Variants in GINS1 observed in about 807,000 individuals in gnomAD.
GINS1 encodes the protein DNA replication complex GINS protein PSF1.
A neutral mutation model predicts 34.9 loss-of-function variants in GINS1; 26 were observed. That is an observed-to-expected ratio of 0.74 (90% CI 0.55 to 1.03). The LOEUF (loss-of-function observed/expected upper bound fraction) is 1.03. Among genes scored for constraint, GINS1 ranks in the 50% least tolerant of loss-of-function variants. The probability of loss-of-function intolerance (pLI) is 0.00; values close to 1 mark genes in which losing one functional copy is unlikely to be tolerated. For missense variants in GINS1, 235 were observed against 237.9 expected (o/e 0.99, Z 0.08); for synonymous variants, 97 against 84.4 (o/e 1.15, Z -0.82).
At chr20:25,422,417 AAG>A (rs1275242703) in intron 4 of GINS1, among the ~76,000 whole-genome samples, 1 of 151,882 alleles carries the variant, frequency 6.6e-6, no homozygotes, top group African/African-American at 2.4e-5. Flanking sequence ...CTACCAAAAA[AAG>A]AAAAAAAAAA....
intron 5 of GINS1, among the ~76,000 whole-genome samples, chr20:25,436,300 A>C (rs186059125): frequency 6.6e-6 from 1 of 152,222 alleles, no homozygotes; most frequent in African/African-American, 2.4e-5. Flanking sequence ...GTTTGATTAT[A>C]ATGTGTCTCA....
intron 1 of GINS1, chr20:25,410,991 AG>A (rs1158687785): frequency 6.6e-6 from 1 of 152,218 alleles, no homozygotes; most frequent in African/African-American, 2.4e-5. Context: ...TAAGAAAGTT[AG>A]GCCAAGCATG....
chr20:25,408,388 A>G (rs995674715), intron 1 of GINS1, among the ~76,000 whole-genome samples: 8 of 152,204 alleles, frequency 5.3e-5, no homozygotes, highest in African/African-American at 1.9e-4. Flanking sequence ...GGCATGTGTA[A>G]GGGTCTCTGC....
intron 6 of GINS1, among the ~76,000 whole-genome samples, chr20:25,442,027 A>G (rs1344279490): frequency 2.0e-5 from 3 of 152,164 alleles, no homozygotes; most frequent in Non-Finnish European, 4.4e-5. Context: ...TAGGGGAATT[A>G]CCATAATCAG....
In GINS1 at chr20:25,445,333, C is replaced by T. The variant is rs191319210; in HGVS notation, c.523-590C>T. On this transcript the variant is annotated intron_variant, in intron 6 of 6. Coordinates refer to ENST00000262460, the MANE Select transcript of GINS1 (RefSeq NM_021067.5). Reference sequence around the variant, plus strand: ...TGTAGCTGGGATTACAGGCATGCGCCACCACGCCTGGCTAATTTTTTTTTT... The same window carrying T: ...TGTAGCTGGGATTACAGGCATGCGCTACCACGCCTGGCTAATTTTTTTTTT... 3.8e-3 allele frequency among the ~76,000 whole-genome samples: 580 copies of T among 151,978 alleles called. 3 individuals are homozygous for T. Among genetic ancestry groups the T allele is most frequent in the Non-Finnish European group, 5.3e-3 (357 of 67,970 alleles).
At chr20:25,409,124 C>A in intron 1 of GINS1, 1 of 679,134 alleles carries the variant, frequency 1.5e-6, no homozygotes, top group Non-Finnish European at 1.8e-6. Flanking sequence ...CACGTGGTCA[C>A]ACTGGAGAGG....
chr20:25,428,414 T>TG (rs2090405236), intron 5 of GINS1, among the ~76,000 whole-genome samples: 1 of 138,030 alleles, frequency 7.2e-6, no homozygotes, highest in Non-Finnish European at 1.6e-5. Context: ...TTTTTTTTTT[T>TG]TTTTTTTGAG....
rs2090327138 is a variant in GINS1, at chr20:25,417,279, A to G, written c.239+77A>G. ...CAGTTGACCATCTCAAATGGGTAACATGAAATCTTAGATCTCTCTCTCTTT... is the reference window on the plus strand; with the variant it reads ...CAGTTGACCATCTCAAATGGGTAACGTGAAATCTTAGATCTCTCTCTCTTT... On this transcript the variant is annotated intron_variant, in intron 3 of 6. Transcript: ENST00000262460. The G allele has an allele frequency of 5.4e-6, 4 of 737,966 alleles. No individual in the cohort carries two copies. In the Middle Eastern group the frequency reaches 6.9e-4, roughly 127 times the overall value. 45.7% of individuals were successfully genotyped at this position (737,966 alleles called of 1,614,324 possible).
intron 3 of GINS1, among the ~76,000 whole-genome samples, chr20:25,417,461 T>G (rs190715062): frequency 6.6e-6 from 1 of 152,338 alleles, no homozygotes; most frequent in East Asian, 1.9e-4. Context: ...CCATATTTTT[T>G]TCATCGTGTT....
intron 5 of GINS1, among the ~76,000 whole-genome samples, chr20:25,436,660 T>C (rs1008157644): frequency 2.6e-5 from 4 of 152,184 alleles, no homozygotes; most frequent in Non-Finnish European, 4.4e-5. Context: ...TCTTTTTAGG[T>C]TTTCTATTTC....
intron 1 of GINS1, among the ~76,000 whole-genome samples, chr20:25,409,595 T>C (rs917008508): frequency 1.2e-4 from 18 of 152,140 alleles, no homozygotes; most frequent in African/African-American, 4.3e-4. Context: ...TTTTGAACAC[T>C]AAAGAGCACC....
intron 6 of GINS1, among the ~76,000 whole-genome samples, chr20:25,442,608 TTA>T (rs199713781): frequency 0.15 from 17,734 of 119,522 alleles, 1,983 homozygotes; most frequent in African/African-American, 0.38. Flanking sequence ...ATTATTATTA[TTA>T]TTTTTTTTTT....
At chr20:25,420,781 CA>C (rs10540213) in intron 4 of GINS1, 111,996 of 599,344 alleles carry the variant, frequency 0.19, 2,362 homozygotes, top group East Asian at 0.53. Context: ...GACCCTGTCT[CA>C]AAAAAAAAAA....
chr20:25,432,103 C>G (rs2090430341), intron 5 of GINS1, among the ~76,000 whole-genome samples: 1 of 151,868 alleles, frequency 6.6e-6, no homozygotes. Flanking sequence ...GAACTCCTGA[C>G]CTCAAATGAT....
At chr20:25,428,436 GT>G (rs2090405587) in intron 5 of GINS1, among the ~76,000 whole-genome samples, 1 of 103,506 alleles carries the variant, frequency 9.7e-6, no homozygotes, top group Admixed American at 1.6e-4. Context: ...CAGAGTCTCT[GT>G]CTGTCGCCCA....
At chr20:25,420,082 CCAAAGT>C (rs1313856905) in intron 4 of GINS1, among the ~76,000 whole-genome samples, 1 of 152,038 alleles carries the variant, frequency 6.6e-6, no homozygotes, top group East Asian at 1.9e-4. Flanking sequence ...TACTGAGTTC[CCAAAGT>C]CAGTTTCTAT....
intron 5 of GINS1, among the ~76,000 whole-genome samples, chr20:25,431,841 G>C (rs1479752272): frequency 6.6e-6 from 1 of 151,572 alleles, no homozygotes; most frequent in Non-Finnish European, 1.5e-5. Flanking sequence ...CAAAGTACTG[G>C]GATTACAGGT....
At chr20:25,409,689 T>C (rs1053061286) in intron 1 of GINS1, among the ~76,000 whole-genome samples, 1 of 152,256 alleles carries the variant, frequency 6.6e-6, no homozygotes, top group South Asian at 2.1e-4. Context: ...CGTCTGAATT[T>C]ACAGCATATT....
At chr20:25,437,231 G>A (rs991193915) in intron 5 of GINS1, among the ~76,000 whole-genome samples, 24 of 152,216 alleles carry the variant, frequency 1.6e-4, no homozygotes, top group African/African-American at 5.5e-4. Flanking sequence ...AGTGGAATGC[G>A]GGAGGGGCTT....
Sources: allele counts gnomAD v4.1 joint callset (sites outside exome capture counted in the v4.1 genomes callset), GRCh38; gene constraint gnomAD v4.1.1; transcripts MANE v1.5; gene names NCBI Gene and HGNC (gene_info 2026-07-23, HGNC 2026-07-21).